The following ACACA variants were observed in gnomAD, a reference collection of about 807,000 sequenced individuals.
The protein encoded by ACACA is acetyl-CoA carboxylase alpha, also known as acetyl-CoA carboxylase 1.
In ACACA, 103 loss-of-function variants were observed where a neutral mutation model predicts 296.1. The observed-to-expected ratio is 0.35, with a 90% CI of 0.30 to 0.41. The LOEUF (loss-of-function observed/expected upper bound fraction) is 0.41. Among genes scored for constraint, ACACA ranks in the 10% least tolerant of loss-of-function variants. The pLI, the probability that ACACA is intolerant of heterozygous loss-of-function variation, is 1.00. For synonymous variants in ACACA, 953 were observed against 1,038.6 expected (o/e 0.92, Z 1.58); for missense variants, 1,554 against 2,989.7 (o/e 0.52, Z 11.20).
intron 3 of ACACA, among the ~76,000 whole-genome samples, chr17:37,305,905 T>TG (rs2083858149): frequency 6.7e-4 from 2 of 2,974 alleles, no homozygotes; most frequent in East Asian, 0.033. Context: ...TTTTTTTTTG[T>TG]TTTTTTTTTT....
At chr17:37,101,138 T>A in intron 52 of ACACA, among the ~76,000 whole-genome samples, 1 of 148,434 alleles carries the variant, frequency 6.7e-6, no homozygotes, top group South Asian at 2.1e-4. Flanking sequence ...TTCAAATGGC[T>A]CAAAGAAAAT....
At chr17:37,340,600 G>A (rs2048335311) in intron 1 of ACACA, among the ~76,000 whole-genome samples, 1 of 152,172 alleles carries the variant, frequency 6.6e-6, no homozygotes, top group Non-Finnish European at 1.5e-5. Flanking sequence ...CAAAAGGAAA[G>A]AACCTATTAC....
At chr17:37,151,893 C>A (rs1366303242) in intron 43 of ACACA, among the ~76,000 whole-genome samples, 1 of 152,166 alleles carries the variant, frequency 6.6e-6, no homozygotes, top group East Asian at 1.9e-4. Flanking sequence ...ATCTCCTGAG[C>A]ACGTGATCCG....
At chr17:37,180,861 T>C (rs1340234914) in intron 40 of ACACA, among the ~76,000 whole-genome samples, 1 of 152,200 alleles carries the variant, frequency 6.6e-6, no homozygotes, top group Non-Finnish European at 1.5e-5. Flanking sequence ...ATCTCCTTTT[T>C]AATATCCATA....
At chr17:37,302,846 A>C (rs1281801912) in intron 3 of ACACA, among the ~76,000 whole-genome samples, 2 of 152,196 alleles carry the variant, frequency 1.3e-5, no homozygotes. Context: ...ACTGAGATAC[A>C]ATTCACACAC....
chr17:37,292,381 C>T (rs1007936427), intron 3 of ACACA, among the ~76,000 whole-genome samples: 15 of 152,070 alleles, frequency 9.9e-5, no homozygotes, highest in African/African-American at 3.6e-4. Flanking sequence ...TTTGATTCCC[C>T]TTGGAACTTT....
chr17:37,133,933 T>C (rs1310170414), intron 45 of ACACA, among the ~76,000 whole-genome samples: 3 of 152,178 alleles, frequency 2.0e-5, no homozygotes, highest in Non-Finnish European at 4.4e-5. Context: ...CTGACAGAAT[T>C]GAATAAGGGC....
chr17:37,099,815 GA>G (rs939007515), intron 52 of ACACA, among the ~76,000 whole-genome samples: 2 of 152,146 alleles, frequency 1.3e-5, no homozygotes, highest in African/African-American at 4.8e-5. Flanking sequence ...ATTCCCTGGA[GA>G]AATAGCTGAT....
At chr17:37,155,113 A>G (rs2144246994) in intron 43 of ACACA, among the ~76,000 whole-genome samples, 1 of 152,306 alleles carries the variant, frequency 6.6e-6, no homozygotes, top group East Asian at 1.9e-4. Flanking sequence ...TTAATTCCTA[A>G]AAGTTTATAT....
intron 52 of ACACA, 125 bp from the exon 53 acceptor site, chr17:37,098,109 C>G: frequency 1.7e-6 from 2 of 1,184,332 alleles, no homozygotes; most frequent in Non-Finnish European, 2.5e-6. Context: ...GCCTGGCTCT[C>G]CGTTGTCTTC....
chr17:37,143,832 G>A (rs965390057), intron 45 of ACACA: 36 of 1,436,696 alleles, frequency 2.5e-5, no homozygotes, highest in South Asian at 1.6e-4. Flanking sequence ...TATCCTTTTC[G>A]TATTTTTCCT....
In ACACA at chr17:37,258,364, C is replaced by T; in HGVS notation, c.1510G>A (p.Gly504Arg). 6.2e-7 allele frequency: 1 copy of T among 1,613,894 alleles called. No homozygotes were observed. ...TCCTTGATTCTATATAGAGGAATCC[C>T]CATGGCAATCTGAAAGGTAATAAAA... ...LPAAQLQIAMGIPLYRIKDIR... is the reference protein window; with the variant it reads ...LPAAQLQIAMRIPLYRIKDIR... Residue 504 changes from glycine (G) to arginine (R), a missense_variant, in exon 13 of 56, where the codon GGG becomes AGG. Around this residue, in one of 16 missense-constraint regions of ACACA, gnomAD observed 37 missense variants for 49.9 expected, o/e 0.74. Coordinates refer to ENST00000616317, the MANE Select transcript of ACACA (RefSeq NM_198834.3).
intron 25 of ACACA, among the ~76,000 whole-genome samples, chr17:37,229,436 T>C (rs868828806): frequency 5.9e-4 from 89 of 151,752 alleles, no homozygotes; most frequent in African/African-American, 2.0e-3. Flanking sequence ...CCCGAGTACC[T>C]GGGACTACAG....
chr17:37,188,173 G>A, intron 39 of ACACA, 104 bp downstream of exon 39: 1 of 1,121,568 alleles, frequency 8.9e-7, no homozygotes. Flanking sequence ...AATCCCACCA[G>A]GTGAACCAAT....
chr17:37,206,852 G>T lies in ACACA; in HGVS notation c.3879C>A (p.Phe1293Leu). The T allele has an allele frequency of 6.2e-7, 1 of 1,613,758 alleles. No individual in the cohort carries two copies. Among genetic ancestry groups the T allele is most frequent in the East Asian group, 2.2e-5 (1 of 44,880 alleles). Residue 1293 changes from phenylalanine (F) to leucine (L), a missense_variant, in exon 32 of 56, where the codon TTC becomes TTA. Physicochemically the swap from Phe to Leu is conservative, Grantham distance 22 (BLOSUM62 0). Coordinates refer to ENST00000616317, the MANE Select transcript of ACACA (RefSeq NM_198834.3). The part of the protein sequence containing the change: ...VRIFDEVMGC[F>L]SDSPPQSPTF... ...TGGGACTCTGGGGTGGGGAGTCAGA[G>T]AAGCAGCCCATCACTTCATCAAAGA... is the stretch of plus-strand genomic sequence containing the variant.
At chr17:37,374,873 A>T (rs188225925) in intron 1 of ACACA, among the ~76,000 whole-genome samples, 364 of 152,210 alleles carry the variant, frequency 2.4e-3, no homozygotes, top group Non-Finnish European at 4.3e-3. Flanking sequence ...ATGTGAGTTT[A>T]TATATATAAC....
intron 1 of ACACA, among the ~76,000 whole-genome samples, chr17:37,399,340 G>A (rs2051205025): frequency 6.6e-6 from 1 of 152,086 alleles, no homozygotes; most frequent in African/African-American, 2.4e-5. Flanking sequence ...AAGTTTCAAA[G>A]TCCATGCTTG....
At chr17:37,372,052 A>T (rs1052117646) in intron 1 of ACACA, among the ~76,000 whole-genome samples, 1 of 152,194 alleles carries the variant, frequency 6.6e-6, no homozygotes, top group Non-Finnish European at 1.5e-5. Flanking sequence ...CCCTGCCTCC[A>T]TTATTAAATT....
intron 45 of ACACA, among the ~76,000 whole-genome samples, chr17:37,136,851 G>A (rs535354003): frequency 3.8e-4 from 58 of 152,016 alleles, no homozygotes; most frequent in Non-Finnish European, 6.6e-4. Flanking sequence ...GCTGAGGCAG[G>A]AGAATCGCTT....
Sources: gnomAD v4.1 joint callset for allele counts (sites outside exome capture counted in the v4.1 genomes callset) on GRCh38, gnomAD v4.1.1 for gene constraint, gnomAD v4.1.1 regional missense constraint, MANE v1.5 for transcripts, NCBI Gene and HGNC (gene_info 2026-07-23, HGNC 2026-07-21) for gene names.